The following UPK2 variants were observed in gnomAD, a reference collection of about 807,000 sequenced individuals.
UPK2 encodes the protein uroplakin-2.
Under a neutral mutation model 14.8 loss-of-function variants are expected in UPK2, and 19 were observed. The ratio of observed to expected loss-of-function variants is 1.29; its 90% CI spans 0.90 to 1.89. The LOEUF (loss-of-function observed/expected upper bound fraction) is 1.89, where lower values mean the gene tolerates loss of function less well. Ranked by LOEUF, UPK2 falls within the 40% of genes most tolerant of loss-of-function variation. The pLI, the probability that UPK2 is intolerant of heterozygous loss-of-function variation, is 0.00. For missense variants in UPK2, 232 were observed against 236.0 expected (o/e 0.98, Z 0.11); for synonymous variants, 102 against 101.6 (o/e 1.00, Z -0.02).
chr11:118,956,827 A>T lies in UPK2; in HGVS notation c.77-56A>T, dbSNP rs1592019048. ...GATGGCTCCAATGGGACCGGGCCAG[A>T]TCTGTTGGCCAGGAGGGGTCAGTCC... On this transcript the variant is annotated intron_variant, in intron 1 of 4. Transcript: ENST00000264031. The surrounding 1 kb of genome is among the most constrained non-coding windows in gnomAD (Gnocchi z 4.1). 1.9e-6 allele frequency: 3 copies of T among 1,608,382 alleles called. No individual in the cohort carries two copies. In the East Asian group the frequency reaches 6.7e-5, roughly 36 times the overall value.
chr11:118,956,451 G>T lies in UPK2; in HGVS notation c.76+25G>T. 1 of 1,593,588 alleles carries T rather than the reference G, an allele frequency of 6.3e-7. No homozygotes were observed. Reference sequence around the variant, plus strand: ...GGTCTCTTCCATCTCTGGCAGGGGTGGGAAGGGGGCTGGGGGCCTGGACAG... The same window carrying T: ...GGTCTCTTCCATCTCTGGCAGGGGTTGGAAGGGGGCTGGGGGCCTGGACAG... On this transcript the variant is annotated intron_variant, in intron 1 of 4. Coordinates refer to ENST00000264031, the MANE Select transcript of UPK2 (RefSeq NM_006760.4). The surrounding 1 kb of genome is among the most constrained non-coding windows in gnomAD (Gnocchi z 4.1).
intron 4 of UPK2, 130 bp downstream of exon 4, chr11:118,957,798 T>A: frequency 1.9e-6 from 2 of 1,051,502 alleles, no homozygotes; most frequent in Non-Finnish European, 2.8e-6. Context: ...CTTACCTCTA[T>A]CCTAGCACGG....
chr11:118,957,272 C>G lies in UPK2; in HGVS notation c.273C>G (p.Asp91Glu). ...GCAGGGAACTGGTGAGTGTGGTGGA[C>G]AGTGGTGCTGGCTTCACAGTCACTC... Reference protein sequence around the residue: ...RGRRELVSVVDSGAGFTVTRL... With the variant: ...RGRRELVSVVESGAGFTVTRL... The change falls in exon 3 of 5, where the codon GAC becomes GAG. Residue 91 changes from aspartate to glutamate, a missense_variant. Asp to Glu is a conservative substitution (Grantham distance 45). Coordinates refer to ENST00000264031, the MANE Select transcript of UPK2 (RefSeq NM_006760.4). The G allele has an allele frequency of 3.1e-6, 5 of 1,614,108 alleles. No homozygotes were observed. The highest frequency in any genetic ancestry group is 3.3e-4 in the Middle Eastern group (2 of 6,062).
At position 118,957,527 on chromosome 11, in the gene UPK2, G is replaced by C. The variant is rs1428275614; in HGVS notation, c.348-71G>C. ...CACAGCTGTGAGGGTAGGTGGCCCA[G>C]GCTGGAGCCCCTCTTCCTGTAAGTC... On this transcript the variant is annotated intron_variant, in intron 3 of 4. Transcript: ENST00000264031. The C allele has an allele frequency of 2.5e-6, 4 of 1,592,846 alleles. No individual in the cohort carries two copies. The African/African-American group carries it at 5.4e-5, about 21-fold the overall frequency.
intron 4 of UPK2, 103 bp downstream of exon 4, chr11:118,957,771 C>T (rs1218437514): frequency 6.5e-6 from 9 of 1,383,836 alleles, no homozygotes; most frequent in East Asian, 2.4e-5. Context: ...CCTCCCCGTG[C>T]GCCCTCGGGG....
Position 118,956,458 on chromosome 11 carries a change from G to T in UPK2, c.76+32G>T. ...TCCATCTCTGGCAGGGGTGGGAAGG[G>T]GGCTGGGGGCCTGGACAGGGAGCAC... On this transcript the variant is annotated intron_variant, in intron 1 of 4. Coordinates refer to ENST00000264031, the MANE Select transcript of UPK2 (RefSeq NM_006760.4). This position sits in a 1 kb window ranked among gnomAD's most constrained non-coding sequence, Gnocchi z 4.1. The T allele has an allele frequency of 6.4e-7, 1 of 1,574,262 alleles. No homozygotes were observed. Among genetic ancestry groups the T allele is most frequent in the Non-Finnish European group, 8.6e-7 (1 of 1,156,906 alleles).
intron 4 of UPK2, 88 bp downstream of exon 4, chr11:118,957,756 CT>C: frequency 1.3e-6 from 2 of 1,526,006 alleles, no homozygotes; most frequent in Non-Finnish European, 1.8e-6. Flanking sequence ...TCTGGGTTGC[CT>C]GTGCCTCCCC....
rs1489629953 is a variant in UPK2 at position 118,957,712 on chromosome 11, A to G, written c.418+44A>G. 8 of 1,608,744 alleles carry G rather than the reference A, an allele frequency of 5.0e-6. No individual in the cohort carries two copies. The African/African-American group carries it at 1.1e-4, about 22-fold the overall frequency. ...TCCCTTTCCCATCTCAGCGGCCACA[A>G]ACGCTTCCCTGACCATTCCTGCCTC... is the stretch of plus-strand genomic sequence containing the variant. On this transcript the variant is annotated intron_variant, in intron 4 of 4. Coordinates refer to ENST00000264031, the MANE Select transcript of UPK2 (RefSeq NM_006760.4).
rs377520553 is a variant in UPK2 at position 118,956,447 on chromosome 11, G to T, written c.76+21G>T. Reference sequence around the variant, plus strand: ...TGCAGGTCTCTTCCATCTCTGGCAGGGGTGGGAAGGGGGCTGGGGGCCTGG... The same window carrying T: ...TGCAGGTCTCTTCCATCTCTGGCAGTGGTGGGAAGGGGGCTGGGGGCCTGG... On this transcript the variant is annotated intron_variant, in intron 1 of 4. Transcript: ENST00000264031. This position sits in a 1 kb window ranked among gnomAD's most constrained non-coding sequence, Gnocchi z 4.1. The T allele has an allele frequency of 3.3e-5, 53 of 1,594,248 alleles. No homozygotes were observed. The highest frequency in any genetic ancestry group is 4.5e-5 in the Non-Finnish European group (53 of 1,171,404).
chr11:118,958,055 G>A lies in UPK2; in HGVS notation c.419-42G>A, dbSNP rs957636751. On this transcript the variant is annotated intron_variant, in intron 4 of 4. Coordinates refer to ENST00000264031, the MANE Select transcript of UPK2 (RefSeq NM_006760.4). This position sits in a 1 kb window ranked among gnomAD's most constrained non-coding sequence, Gnocchi z 4.6. ...AGGCCGTGAGCCTCAGGCAGGCTGG[G>A]GGTCTCTCCCGCCCACAGTGGTCTC... The A allele has an allele frequency of 6.3e-7, 1 of 1,578,864 alleles. No individual in the cohort carries two copies. Among genetic ancestry groups the A allele is most frequent in the African/African-American group, 1.3e-5 (1 of 74,344 alleles).
At chr11:118,957,559 C>T in intron 3 of UPK2, 39 bp from the exon 4 acceptor site, 1 of 1,611,026 alleles carries the variant, frequency 6.2e-7, no homozygotes, top group Non-Finnish European at 8.5e-7. Flanking sequence ...AGTCCCAATA[C>T]TCACTGAGGG....
chr11:118,957,611 G>C lies in UPK2; in HGVS notation c.361G>C (p.Val121Leu). 1 of 1,614,156 alleles carries C rather than the reference G, an allele frequency of 6.2e-7. No homozygotes were observed. Among genetic ancestry groups the C allele is most frequent in the Non-Finnish European group, 8.5e-7 (1 of 1,180,022 alleles). Residue 121 changes from valine to leucine, a missense_variant, in exon 4 of 5, where the codon GTG (valine) becomes CTG (leucine). By Grantham distance (32) the Val-to-Leu change is conservative. Coordinates refer to ENST00000264031, the MANE Select transcript of UPK2 (RefSeq NM_006760.4). ...PGTKFYISYL[V>L]KKGTATESSR... is the part of the protein sequence containing the mutation. Reference sequence around the variant, plus strand: ...AAACCACAAAAGCATTTCCTACCTAGTGAAGAAGGGGACAGCCACTGAGTC... The same window carrying C: ...AAACCACAAAAGCATTTCCTACCTACTGAAGAAGGGGACAGCCACTGAGTC...
rs1399017639 is a variant in UPK2, at chr11:118,958,210, C to G, written c.532C>G (p.Leu178Val). 6.2e-7 allele frequency: 1 copy of G among 1,613,782 alleles called. No homozygotes were observed. The stretch of plus-strand genomic sequence containing the variant: ...GCTGGTGCTGGGCTTCATCATTGCC[C>G]TGGCACTGGGCTCCCGCAAGTAAGG... ...FLLVLGFIIA[L>V]ALGSRK is the part of the protein sequence containing the mutation. The change falls in exon 5 of 5, where the codon CTG becomes GTG. Residue 178 changes from leucine (L) to valine (V), a missense_variant. Physicochemically the swap from Leu to Val is conservative, Grantham distance 32. Transcript: ENST00000264031. The surrounding 1 kb of genome is among the most constrained non-coding windows in gnomAD (Gnocchi z 4.6).
rs1941580961 is a variant in UPK2, at chr11:118,958,223, C to T, written c.545C>T (p.Ser182Phe). Reference sequence around the variant, plus strand: ...TTCATCATTGCCCTGGCACTGGGCTCCCGCAAGTAAGGAGGTCTGCCCGGA... The same window carrying T: ...TTCATCATTGCCCTGGCACTGGGCTTCCGCAAGTAAGGAGGTCTGCCCGGA... ...LGFIIALALG[S>F]RK Residue 182 changes from serine (S) to phenylalanine (F), a missense_variant, in exon 5 of 5, where the codon TCC becomes TTC. Coordinates refer to ENST00000264031, the MANE Select transcript of UPK2 (RefSeq NM_006760.4). The surrounding 1 kb of genome is among the most constrained non-coding windows in gnomAD (Gnocchi z 4.6). 2 of 1,613,150 alleles carry T rather than the reference C, an allele frequency of 1.2e-6. No homozygotes were observed. The highest frequency in any genetic ancestry group is 2.2e-5 in the East Asian group (1 of 44,866).
Position 118,956,999 on chromosome 11 carries a change from G to C in UPK2, c.193G>C (p.Ala65Pro). ...CAATGCCACACTGATGGTCCGGAGA[G>C]CCAATGACAGCAAAGGTCTGCTACC... ...GGNATLMVRRANDSKVVTSSF... is the reference protein window; with the variant it reads ...GGNATLMVRRPNDSKVVTSSF... The change falls in exon 2 of 5, where the codon GCC (alanine) becomes CCC (proline). Residue 65 changes from alanine to proline, a missense_variant. Transcript: ENST00000264031. This position sits in a 1 kb window ranked among gnomAD's most constrained non-coding sequence, Gnocchi z 4.1. 2 of 1,613,912 alleles carry C rather than the reference G, an allele frequency of 1.2e-6. No homozygotes were observed. Among genetic ancestry groups the C allele is most frequent in the East Asian group, 2.2e-5 (1 of 44,882 alleles).
chr11:118,957,708 C>T (rs1481180066), intron 4 of UPK2, 40 bp downstream of exon 4: 1 of 1,609,866 alleles, frequency 6.2e-7, no homozygotes, highest in East Asian at 2.2e-5. Flanking sequence ...TCTCAGCGGC[C>T]ACAAACGCTT....
chr11:118,956,955 CCT>C lies in UPK2; in HGVS notation c.150_151del (p.Cys51SerfsTer16), dbSNP rs754395329. The C allele has an allele frequency of 8.7e-6, 14 of 1,613,926 alleles. No homozygotes were observed. Among genetic ancestry groups the C allele is most frequent in the Admixed American group, 1.7e-5 (1 of 60,000 alleles). On this transcript the variant is annotated frameshift_variant, in exon 2 of 5. Coordinates refer to ENST00000264031, the MANE Select transcript of UPK2 (RefSeq NM_006760.4). LOFTEE classifies it high-confidence loss of function. This position sits in a 1 kb window ranked among gnomAD's most constrained non-coding sequence, Gnocchi z 4.1. ...GAGAGCCTGCTGGTTGCCTTGCCCC[CCT>C]GTCACCTCACAGGAGGCAATGCCAC...
At position 118,957,144 on chromosome 11, in the gene UPK2, G is replaced by C. The variant is rs934235824; in HGVS notation, c.209-64G>C. 6 of 1,611,788 alleles carry C rather than the reference G, an allele frequency of 3.7e-6. No individual in the cohort carries two copies. The East Asian group carries it at 1.3e-4, about 36-fold the overall frequency. ...CTGGGGTACCCACACTCTAAAAGCT[G>C]CCCCTTCTCCTTGGGGCCTCCAGAA... On this transcript the variant is annotated intron_variant, in intron 2 of 4. Transcript: ENST00000264031.
Position 118,957,660 on chromosome 11 carries a change from C to CA in UPK2, c.411dup (p.Leu138ThrfsTer144), listed in dbSNP as rs1565640962. ...TCCAGCAGAGAGATCCCAATGTCCA[C>CA]ACTCCCTCGTAAGTAACACTCCCGC... On this transcript the variant is annotated frameshift_variant, in exon 4 of 5. Transcript: ENST00000264031. LOFTEE classifies it high-confidence loss of function. The CA allele has an allele frequency of 6.2e-7, 1 of 1,614,170 alleles. No homozygotes were observed. The highest frequency in any genetic ancestry group is 1.1e-5 in the South Asian group (1 of 91,088).
Sources: allele counts gnomAD v4.1 joint callset, GRCh38; gene constraint gnomAD v4.1.1; non-coding constraint Gnocchi (gnomAD v3.1); transcripts MANE v1.5; gene names NCBI Gene and HGNC (gene_info 2026-07-23, HGNC 2026-07-21).